The following SLC22A25 variants were observed in gnomAD, a reference collection of about 807,000 sequenced individuals.
SLC22A25 encodes MGI:2442751, MGI:2385316, MGI:3042283, MGI:3645714, MGI:3605624, MGI:2442750.
Under a neutral mutation model 45.9 loss-of-function variants are expected in SLC22A25, and 44 were observed. That is an observed-to-expected ratio of 0.96 (90% confidence interval 0.75 to 1.23). SLC22A25 has a LOEUF of 1.23. SLC22A25 is among the 50% of genes most tolerant of loss of function. The pLI, the probability that SLC22A25 is intolerant of heterozygous loss-of-function variation, is 0.00. For missense variants in SLC22A25, 800 were observed against 666.4 expected (o/e 1.20, Z -2.21); for synonymous variants, 283 against 238.6 (o/e 1.19, Z -1.72).
chr11:63,158,848 T>C lies in SLC22A25; in HGVS notation c.*4976A>G, dbSNP rs1271398196. 6.6e-6 allele frequency among the ~76,000 whole-genome samples: 1 copy of C among 152,230 alleles called. No individual in the cohort carries two copies. Among genetic ancestry groups the C allele is most frequent in the African/African-American group, 2.4e-5 (1 of 41,466 alleles). On this transcript the variant is annotated 3_prime_UTR_variant, in exon 12 of 12. Transcript: ENST00000306494. The stretch of plus-strand genomic sequence containing the variant: ...GCTATCAAATAGTAGATCTTATTCA[T>C]TCTTTCCAACTTCCTTTTTTCCCCC...
chr11:63,243,429 T>C lies in SLC22A25; in HGVS notation c.-996+5A>G, dbSNP rs907076598. 2.7e-6 allele frequency: 2 copies of C among 745,348 alleles called. No individual in the cohort carries two copies. The allele number at this position is 745,348 out of a possible 1,614,324, so 46.2% of individuals were successfully genotyped here. On this transcript the variant is annotated splice_donor_5th_base_variant and intron_variant, in intron 1 of 11. Transcript: ENST00000306494. The stretch of plus-strand genomic sequence containing the variant: ...GAAAAGGTTTTCCCTCTGGCCACGA[T>C]TTACCTGGACTGTTTCTTCGCCAGG...
At chr11:63,236,142 C>T (rs1384709255) in intron 3 of SLC22A25, among the ~76,000 whole-genome samples, 1 of 152,170 alleles carries the variant, frequency 6.6e-6, no homozygotes, top group South Asian at 2.1e-4. Context: ...AAGCTGCGTG[C>T]TGGGAGAACC....
At chr11:63,205,223 T>C (rs1163725694) in intron 7 of SLC22A25, among the ~76,000 whole-genome samples, 1 of 152,092 alleles carries the variant, frequency 6.6e-6, no homozygotes, top group African/African-American at 2.4e-5. Context: ...ACATCTGTAA[T>C]TACCATCCTA....
chr11:63,228,783 A>G (rs1204476304), intron 4 of SLC22A25, among the ~76,000 whole-genome samples: 1 of 152,208 alleles, frequency 6.6e-6, no homozygotes, highest in Non-Finnish European at 1.5e-5. Flanking sequence ...GTTTTATTCC[A>G]TACTAAATGG....
chr11:63,216,123 T>C (rs1346213583), intron 7 of SLC22A25, among the ~76,000 whole-genome samples: 1 of 152,116 alleles, frequency 6.6e-6, no homozygotes, highest in African/African-American at 2.4e-5. Context: ...TATGAAAAAA[T>C]GCTCAATATC....
At position 63,161,667 on chromosome 11, in the gene SLC22A25, G is replaced by A. The variant is rs538612644; in HGVS notation, c.*2157C>T. Among the ~76,000 whole-genome samples the A allele has an allele frequency of 6.6e-6, 1 of 152,318 alleles. No homozygotes were observed. Among genetic ancestry groups the A allele is most frequent in the South Asian group, 2.1e-4 (1 of 4,828 alleles). On this transcript the variant is annotated 3_prime_UTR_variant, in exon 12 of 12. Transcript: ENST00000306494. The stretch of plus-strand genomic sequence containing the variant: ...AGACGTGCCTTTCGCCCTCCACCAG[G>A]ATTGTGAGGCTTCACCAGCTATGTG...
chr11:63,204,383 G>C (rs1237348938), intron 7 of SLC22A25, among the ~76,000 whole-genome samples: 1 of 152,138 alleles, frequency 6.6e-6, no homozygotes, highest in African/African-American at 2.4e-5. Flanking sequence ...AAAGAGTCAA[G>C]ACCCATCTGT....
intron 3 of SLC22A25, among the ~76,000 whole-genome samples, chr11:63,232,276 T>C (rs1349432833): frequency 6.6e-6 from 1 of 152,220 alleles, no homozygotes; most frequent in East Asian, 1.9e-4. Flanking sequence ...CATGGAATGT[T>C]CTTCCATTTG....
intron 7 of SLC22A25, among the ~76,000 whole-genome samples, chr11:63,212,412 C>A (rs2089594444): frequency 6.6e-6 from 1 of 152,112 alleles, no homozygotes; most frequent in Admixed American, 6.5e-5. Flanking sequence ...GACTTGGAAC[C>A]AACCCAAATG....
intron 3 of SLC22A25, among the ~76,000 whole-genome samples, chr11:63,236,587 T>C: frequency 6.6e-6 from 1 of 152,146 alleles, no homozygotes; most frequent in East Asian, 1.9e-4. Context: ...CCCCTTGTGC[T>C]TCCTGGGTGA....
At chr11:63,242,573 T>TC (rs1448275950) in intron 1 of SLC22A25, among the ~76,000 whole-genome samples, 2 of 152,200 alleles carry the variant, frequency 1.3e-5, no homozygotes, top group African/African-American at 4.8e-5. Flanking sequence ...TAAAACTTCC[T>TC]CTTCCTGTGT....
At chr11:63,166,412 G>T (rs1176579573) in intron 9 of SLC22A25, 154 bp from the exon 10 acceptor site, 10 of 1,441,486 alleles carry the variant, frequency 6.9e-6, no homozygotes, top group Non-Finnish European at 8.2e-6. Flanking sequence ...ATATTTTAAA[G>T]TTATCATAAA....
chr11:63,184,247 C>G (rs2088436081), intron 7 of SLC22A25, among the ~76,000 whole-genome samples: 1 of 152,050 alleles, frequency 6.6e-6, no homozygotes. Context: ...CTGGCCATAC[C>G]ATCTATGACC....
intron 8 of SLC22A25, among the ~76,000 whole-genome samples, chr11:63,181,285 A>C (rs2088309916): frequency 2.0e-5 from 3 of 151,870 alleles, no homozygotes; most frequent in African/African-American, 7.3e-5. Context: ...TTTTATTATT[A>C]TACTTTAAGT....
chr11:63,166,283 C>G (rs1437011161), intron 9 of SLC22A25, 25 bp from the exon 10 acceptor site: 3 of 1,612,156 alleles, frequency 1.9e-6, no homozygotes, highest in East Asian at 4.5e-5. Context: ...GAAAAAGGCA[C>G]ATATTATAAT....
In SLC22A25 at chr11:63,212,063, A is replaced by G. The variant is rs1367016756; in HGVS notation, c.830+5251T>C. 5.3e-5 allele frequency among the ~76,000 whole-genome samples: 8 copies of G among 152,350 alleles called. No individual in the cohort carries two copies. The East Asian group carries it at 5.8e-4, about 11-fold the overall frequency. ...ATTTATGCAGCCAAAAGACACACGA[A>G]AAAATGCTCATCATCACTGGCCATC... On this transcript the variant is annotated intron_variant, in intron 7 of 11. Coordinates refer to ENST00000306494, the MANE Select transcript of SLC22A25 (RefSeq NM_199352.6).
chr11:63,181,337 A>C (rs1402610647), intron 8 of SLC22A25, among the ~76,000 whole-genome samples: 1 of 151,470 alleles, frequency 6.6e-6, no homozygotes, highest in Non-Finnish European at 1.5e-5. Context: ...GGTGTGCTGC[A>C]CCCATTAACT....
chr11:63,181,510 C>A (rs957510253), intron 8 of SLC22A25, among the ~76,000 whole-genome samples: 5 of 149,776 alleles, frequency 3.3e-5, no homozygotes, highest in African/African-American at 9.8e-5. Flanking sequence ...TTTGTCCTTG[C>A]GATAGTTTGA....
chr11:63,235,919 GT>G (rs2090154805), intron 3 of SLC22A25, among the ~76,000 whole-genome samples: 1 of 152,206 alleles, frequency 6.6e-6, no homozygotes, highest in South Asian at 2.1e-4. Context: ...CCCAGAGCCT[GT>G]TTGCCTGGGT....
Sources: gnomAD v4.1 joint callset for allele counts (sites outside exome capture counted in the v4.1 genomes callset) on GRCh38, gnomAD v4.1.1 for gene constraint, MANE v1.5 for transcripts, NCBI Gene and HGNC (gene_info 2026-07-23, HGNC 2026-07-21) for gene names.